The following LARP4 variants were observed in gnomAD, a reference collection of about 807,000 sequenced individuals.
LARP4 encodes La ribonucleoprotein 4, also known as la-related protein 4.
A neutral mutation model predicts 92.9 loss-of-function variants in LARP4; 29 were observed. The ratio of observed to expected loss-of-function variants is 0.31; its 90% CI spans 0.23 to 0.43. The LOEUF (loss-of-function observed/expected upper bound fraction) is 0.43, where lower values mean the gene tolerates loss of function less well. Among genes scored for constraint, LARP4 ranks in the 20% least tolerant of loss-of-function variants. The pLI, the probability that LARP4 is intolerant of heterozygous loss-of-function variation, is 1.00. For synonymous variants in LARP4, 279 were observed against 284.1 expected (o/e 0.98, Z 0.18); for missense variants, 732 against 860.0 (o/e 0.85, Z 1.86).
chr12:50,414,452 T>C (rs1488171421), intron 1 of LARP4, among the ~76,000 whole-genome samples: 1 of 152,134 alleles, frequency 6.6e-6, no homozygotes, highest in Non-Finnish European at 1.5e-5. Context: ...TAGAGGTGCA[T>C]GTTACCATGC....
At chr12:50,467,441 C>T (rs959843280) in intron 13 of LARP4, among the ~76,000 whole-genome samples, 1 of 151,990 alleles carries the variant, frequency 6.6e-6, no homozygotes, top group Non-Finnish European at 1.5e-5. Flanking sequence ...CAGGCATGCG[C>T]AACCATGCCC....
chr12:50,409,341 CG>C (rs1471215842), intron 1 of LARP4, among the ~76,000 whole-genome samples: 1 of 151,982 alleles, frequency 6.6e-6, no homozygotes, highest in Non-Finnish European at 1.5e-5. Flanking sequence ...ATATCTATCA[CG>C]TAGGGATGTT....
intron 13 of LARP4, among the ~76,000 whole-genome samples, chr12:50,472,424 GTCTT>G (rs1324522956): frequency 1.3e-5 from 2 of 151,680 alleles, no homozygotes; most frequent in Non-Finnish European, 2.9e-5. Context: ...TACAGTATTT[GTCTT>G]TCTATGACTG....
chr12:50,432,164 G>A (rs1235523505), intron 4 of LARP4, among the ~76,000 whole-genome samples: 1 of 152,020 alleles, frequency 6.6e-6, no homozygotes, highest in East Asian at 1.9e-4. Context: ...CTATTGTCTG[G>A]GTTTCTTCTC....
At position 50,454,414 on chromosome 12, in the gene LARP4, A is replaced by G; in HGVS notation, c.1118A>G (p.Asn373Ser). The change falls in exon 10 of 16, where the codon AAT becomes AGT. Residue 373 changes from asparagine to serine, a missense_variant. Asn to Ser is a conservative substitution (Grantham distance 46). This residue lies in a region of LARP4 where 264 missense variants were observed against 269.5 expected (regional missense o/e 0.98). Transcript: ENST00000398473. ...AATATGGGTCGACCATTCCAAAAAA[A>G]TCGGTAAGATAAAAACCATAGCTGT... The part of the protein sequence containing the change: ...AMNMGRPFQK[N>S]RVKPQFRSSG... The G allele has an allele frequency of 6.2e-7, 1 of 1,607,678 alleles. No homozygotes were observed.
In LARP4 at chr12:50,462,430, AT is replaced by A. The variant is rs1955535714; in HGVS notation, c.1335-151del. On this transcript the variant is annotated intron_variant, in intron 11 of 15. Transcript: ENST00000398473. ...GGGAGGCAGTTCGTAGTGAGCCGAG[AT>A]CGCGCCACTGCACTCCAGCCTGGCG... is the stretch of plus-strand genomic sequence containing the variant. 1.0e-5 allele frequency: 6 copies of A among 573,288 alleles called. No homozygotes were observed. The South Asian group carries it at 1.1e-4, about 11-fold the overall frequency. 35.5% of individuals were successfully genotyped at this position (573,288 alleles called of 1,614,324 possible). A position where few individuals can be genotyped will look rare whatever the true frequency, so the allele number is the denominator to read the frequency against.
chr12:50,419,802 G>T (rs1387833684), intron 1 of LARP4, among the ~76,000 whole-genome samples: 1 of 152,130 alleles, frequency 6.6e-6, no homozygotes, highest in Non-Finnish European at 1.5e-5. Flanking sequence ...CTGGTCACCA[G>T]GCTGAGGTGG....
intron 1 of LARP4, among the ~76,000 whole-genome samples, chr12:50,403,031 TC>T (rs1294965380): frequency 6.6e-6 from 1 of 152,166 alleles, no homozygotes; most frequent in African/African-American, 2.4e-5. Flanking sequence ...TAATATTTGA[TC>T]CCTGTAACCT....
chr12:50,407,300 G>A (rs1394153469), intron 1 of LARP4, among the ~76,000 whole-genome samples: 4 of 152,152 alleles, frequency 2.6e-5, no homozygotes, highest in East Asian at 1.9e-4. Flanking sequence ...CTGGGATTAC[G>A]GGCGTGAGCC....
At chr12:50,417,267 T>C (rs1946971126) in intron 1 of LARP4, among the ~76,000 whole-genome samples, 2 of 151,564 alleles carry the variant, frequency 1.3e-5, no homozygotes, top group Admixed American at 6.6e-5. Context: ...TCCGAGCTAC[T>C]TGGGAGGCTG....
chr12:50,436,104 GTGTGTGTGTGTGTGTGATA>G (rs1244573753), intron 5 of LARP4, among the ~76,000 whole-genome samples: 11 of 140,022 alleles, frequency 7.9e-5, no homozygotes, highest in Non-Finnish European at 1.4e-4. Flanking sequence ...TCCCGCTGGT[GTGTGTGTGTGTGTGTGATA>G]TGTGTGTGTG....
At chr12:50,419,036 G>GT (rs1408721488) in intron 1 of LARP4, among the ~76,000 whole-genome samples, 2 of 152,012 alleles carry the variant, frequency 1.3e-5, no homozygotes, top group African/African-American at 4.8e-5. Flanking sequence ...CACATATAAA[G>GT]TTTTTTTAAA....
chr12:50,466,259 A>G (rs968491498), intron 12 of LARP4, among the ~76,000 whole-genome samples: 1 of 151,918 alleles, frequency 6.6e-6, no homozygotes, highest in Non-Finnish European at 1.5e-5. Flanking sequence ...GAAGCATGAG[A>G]TTTTTCATAT....
chr12:50,451,465 A>G (rs1239198474), intron 8 of LARP4, among the ~76,000 whole-genome samples: 3 of 152,296 alleles, frequency 2.0e-5, no homozygotes, highest in South Asian at 4.1e-4. Context: ...TGGGAGGCCA[A>G]GGCAGGCGGA....
At chr12:50,413,658 G>A (rs1457465227) in intron 1 of LARP4, among the ~76,000 whole-genome samples, 1 of 152,148 alleles carries the variant, frequency 6.6e-6, no homozygotes, top group African/African-American at 2.4e-5. Flanking sequence ...TGTACATGCA[G>A]TTTGTGCTTG....
At position 50,441,627 on chromosome 12, in the gene LARP4, A is replaced by G. The variant is rs540112594; in HGVS notation, c.788A>G (p.Gln263Arg). The G allele has an allele frequency of 1.2e-6, 2 of 1,602,486 alleles. No homozygotes were observed. The highest frequency in any genetic ancestry group is 2.2e-5 in the East Asian group (1 of 44,676). Residue 263 changes from glutamine (Q) to arginine (R), a missense_variant, in exon 8 of 16, where the codon CAG becomes CGG. Transcript: ENST00000398473. Reference protein sequence around the residue: ...KYLREEVKTFQGKPIMARIKA... With the variant: ...KYLREEVKTFRGKPIMARIKA... Reference sequence around the variant, plus strand: ...TTAAGAGAAGAAGTTAAAACATTTCAGGGCAAGCCAATTATGGTAAGAAAT... The same window carrying G: ...TTAAGAGAAGAAGTTAAAACATTTCGGGGCAAGCCAATTATGGTAAGAAAT...
intron 8 of LARP4, among the ~76,000 whole-genome samples, chr12:50,446,103 C>T (rs372154051): frequency 4.7e-5 from 7 of 149,242 alleles, no homozygotes; most frequent in Non-Finnish European, 1.0e-4. Flanking sequence ...GCTGGGTTCA[C>T]GCCATTCTCC....
intron 12 of LARP4, among the ~76,000 whole-genome samples, chr12:50,465,382 A>AAT (rs1956020587): frequency 6.6e-6 from 1 of 151,518 alleles, no homozygotes; most frequent in Non-Finnish European, 1.5e-5. Flanking sequence ...AAAAAAAAAA[A>AAT]AAAAAAAGAG....
intron 1 of LARP4, chr12:50,415,866 TTTG>T (rs1348791736): frequency 3.3e-5 from 5 of 152,020 alleles, no homozygotes; most frequent in African/African-American, 9.7e-5. Flanking sequence ...TTCTTGTTTT[TTTG>T]TTGTTGTTTT....
Sources: allele counts gnomAD v4.1 joint callset (sites outside exome capture counted in the v4.1 genomes callset), GRCh38; gene constraint gnomAD v4.1.1; regional missense constraint gnomAD v4.1.1; transcripts MANE v1.5; gene names NCBI Gene and HGNC (gene_info 2026-07-23, HGNC 2026-07-21).